PTPRD: variants seen among roughly 807,000 people sequenced by gnomAD.
PTPRD encodes receptor-type tyrosine-protein phosphatase delta.
In PTPRD, 34 loss-of-function variants were observed where a neutral mutation model predicts 214.5. The ratio of observed to expected loss-of-function variants is 0.16; its 90% confidence interval spans 0.12 to 0.21. The LOEUF is 0.21. PTPRD is among the 10% of genes least tolerant of loss of function. The pLI, the probability that PTPRD is intolerant of heterozygous loss-of-function variation, is 1.00. For synonymous variants in PTPRD, 1,128 were observed against 845.7 expected, an observed-to-expected ratio of 1.33 and a Z score of -5.79; for missense variants, 2,545 against 2,398.7, an observed-to-expected ratio of 1.06 and a Z score of -1.27.
At chr9:9,439,263 T>C (rs2086559647) in intron 8 of PTPRD, among the ~76,000 whole-genome samples, 1 of 152,106 alleles carries the variant, frequency 6.6e-6, no homozygotes, top group Non-Finnish European at 1.5e-5. Context: ...ACAAATATAA[T>C]CATTTCTTAG....
chr9:10,385,864 T>G (rs2097904861), intron 2 of PTPRD, among the ~76,000 whole-genome samples: 1 of 151,846 alleles, frequency 6.6e-6, no homozygotes, highest in Non-Finnish European at 1.5e-5. Context: ...AAGTAAAGCT[T>G]AGAACAATAC....
intron 3 of PTPRD, among the ~76,000 whole-genome samples, chr9:10,147,332 T>G (rs752852332): frequency 1.3e-5 from 2 of 152,132 alleles, no homozygotes; most frequent in Non-Finnish European, 2.9e-5. Context: ...GTTACATATG[T>G]ATACATGTGC....
At chr9:9,693,551 C>T (rs150587226) in intron 7 of PTPRD, among the ~76,000 whole-genome samples, 1 of 152,236 alleles carries the variant, frequency 6.6e-6, no homozygotes, top group East Asian at 1.9e-4. Flanking sequence ...TGGACTAATA[C>T]AAGATCTAAG....
chr9:9,484,538 G>A (rs1419537669), intron 8 of PTPRD, among the ~76,000 whole-genome samples: 1 of 152,142 alleles, frequency 6.6e-6, no homozygotes, highest in Admixed American at 6.6e-5. Flanking sequence ...GTTGCTGAAT[G>A]TAAATCATAC....
At position 9,850,122 on chromosome 9, in the gene PTPRD, T is replaced by C. The variant is rs1412294966; in HGVS notation, c.-367-83271A>G. 3.3e-5 allele frequency among the ~76,000 whole-genome samples: 5 copies of C among 152,250 alleles called. No individual in the cohort carries two copies. The South Asian group carries it at 8.3e-4, about 25-fold the overall frequency. On this transcript the variant is annotated intron_variant, in intron 5 of 45. Transcript: ENST00000381196. ...AGATCCACCACCCAAATCACTTAGA[T>C]TTAACTTTAGACCAAAAAGTTACCA...
chr9:10,551,325 G>T (rs1213187716), intron 2 of PTPRD, among the ~76,000 whole-genome samples: 1 of 151,982 alleles, frequency 6.6e-6, no homozygotes, highest in Non-Finnish European at 1.5e-5. Context: ...GACTACACAG[G>T]GAGACCTTGT....
chr9:8,973,054 G>T (rs921218547), intron 11 of PTPRD, among the ~76,000 whole-genome samples: 1 of 151,556 alleles, frequency 6.6e-6, no homozygotes, highest in Admixed American at 6.6e-5. Flanking sequence ...TTATTGAGAA[G>T]TATGTGCATT....
intron 2 of PTPRD, among the ~76,000 whole-genome samples, chr9:10,382,726 C>T (rs1586794986): frequency 6.6e-6 from 1 of 151,848 alleles, no homozygotes; most frequent in African/African-American, 2.4e-5. Context: ...AAACAGGAAA[C>T]CCTAAGATAT....
chr9:9,484,862 G>A lies in PTPRD; in HGVS notation c.-236-87380C>T, dbSNP rs187555461. On this transcript the variant is annotated intron_variant, in intron 8 of 45. Coordinates refer to ENST00000381196, the MANE Select transcript of PTPRD (RefSeq NM_002839.4). Reference sequence around the variant, plus strand: ...TACCCGGTTTTTATTTTGTAGAGAAGCTTCATGTAACAGTAAACAATAGGC... The same window carrying A: ...TACCCGGTTTTTATTTTGTAGAGAAACTTCATGTAACAGTAAACAATAGGC... 4.6e-5 allele frequency among the ~76,000 whole-genome samples: 7 copies of A among 152,184 alleles called. No homozygotes were observed. In the East Asian group the frequency reaches 1.4e-3, roughly 29 times the overall value.
chr9:9,029,810 G>GA (rs2099598764), intron 10 of PTPRD, among the ~76,000 whole-genome samples: 1 of 151,914 alleles, frequency 6.6e-6, no homozygotes, highest in Admixed American at 6.6e-5. Flanking sequence ...ACATCCAGGA[G>GA]AAAATGTACT....
chr9:10,416,123 G>A (rs976211042), intron 2 of PTPRD, among the ~76,000 whole-genome samples: 14 of 151,538 alleles, frequency 9.2e-5, no homozygotes, highest in South Asian at 2.1e-4. Flanking sequence ...CGAGGCGGGC[G>A]GATCACTTGA....
At chr9:9,801,308 G>C (rs75359144) in intron 5 of PTPRD, among the ~76,000 whole-genome samples, 3 of 150,558 alleles carry the variant, frequency 2.0e-5, no homozygotes, top group African/African-American at 4.9e-5. Flanking sequence ...TCTCTATGCT[G>C]TATCAGGTAT....
intron 8 of PTPRD, among the ~76,000 whole-genome samples, chr9:9,425,219 A>G (rs771404710): frequency 6.6e-6 from 1 of 152,040 alleles, no homozygotes; most frequent in Non-Finnish European, 1.5e-5. Flanking sequence ...GGCTCCCAGA[A>G]GAACCATGGC....
intron 12 of PTPRD, among the ~76,000 whole-genome samples, chr9:8,729,932 G>A (rs1259716856): frequency 6.6e-6 from 1 of 152,192 alleles, no homozygotes; most frequent in East Asian, 1.9e-4. Context: ...GGTTTGAGGA[G>A]GGACTCACTG....
intron 13 of PTPRD, 135 bp from the exon 14 acceptor site, chr9:8,633,593 T>A: frequency 3.0e-6 from 3 of 1,000,842 alleles, no homozygotes; most frequent in Non-Finnish European, 2.9e-6. Flanking sequence ...AATTTTGATA[T>A]AGTGGTGAAA....
chr9:9,113,234 C>T (rs961865716), intron 10 of PTPRD, among the ~76,000 whole-genome samples: 2 of 152,090 alleles, frequency 1.3e-5, no homozygotes, highest in Admixed American at 1.3e-4. Context: ...TTCAGCCCCC[C>T]GAGGTGCTAC....
chr9:8,548,432 A>G (rs557140517), intron 14 of PTPRD, among the ~76,000 whole-genome samples: 12 of 152,142 alleles, frequency 7.9e-5, no homozygotes, highest in Admixed American at 6.5e-4. Context: ...CCGTGGCACA[A>G]TCTCATCTCA....
intron 11 of PTPRD, chr9:8,862,024 T>C (rs894679720): frequency 3.9e-5 from 6 of 152,308 alleles, no homozygotes; most frequent in African/African-American, 1.4e-4. Context: ...ACAGCATTTC[T>C]CAGTAGCTTG....
rs140849537 is a variant in PTPRD, at chr9:10,565,030, A to C, written c.-600+47368T>G. On this transcript the variant is annotated intron_variant, in intron 2 of 45. Coordinates refer to ENST00000381196, the MANE Select transcript of PTPRD (RefSeq NM_002839.4). ...CTCTAATTTTCTAATCAATTACATG[A>C]AGGAATTCCTAATGTAGCATATTTT... is the stretch of plus-strand genomic sequence containing the variant. 7.8e-3 allele frequency among the ~76,000 whole-genome samples: 1,193 copies of C among 152,166 alleles called. 9 individuals carry two copies. The highest frequency in any genetic ancestry group is 9.7e-3 in the Non-Finnish European group (659 of 67,984).
Sources: gnomAD v4.1 joint callset for allele counts (sites outside exome capture counted in the v4.1 genomes callset) on GRCh38, gnomAD v4.1.1 for gene constraint, MANE v1.5 for transcripts, NCBI Gene and HGNC (gene_info 2026-07-23, HGNC 2026-07-21) for gene names.